Variants in ITGAE observed in about 807,000 individuals in gnomAD.
ITGAE encodes integrin alpha-E.
In ITGAE, 99 loss-of-function variants were observed where a neutral mutation model predicts 136.5. The observed-to-expected ratio is 0.73, with a 90% CI of 0.62 to 0.86. ITGAE has a LOEUF of 0.86. Ranked by LOEUF, ITGAE falls within the 40% of genes least tolerant of loss-of-function variation. ITGAE has a pLI of 0.00. For missense variants in ITGAE, 1,447 were observed against 1,515.3 expected (o/e 0.95, Z 0.75); for synonymous variants, 613 against 591.8 (o/e 1.04, Z -0.52).
chr17:3,718,047 A>T (rs1179150954), intron 29 of ITGAE: 1 of 152,382 alleles, frequency 6.6e-6, no homozygotes, highest in Non-Finnish European at 1.5e-5. Context: ...AAAGATGCCC[A>T]AGTAGAGGTT....
rs1055487140 is a variant in ITGAE at position 3,716,919 on chromosome 17, T to G, written c.3334-121A>C. ...CAACAACCCGTGTATTGATCAAAGC[T>G]GATGACAGTAAAGCAAAAAGCTAGA... is the stretch of plus-strand genomic sequence containing the variant. On this transcript the variant is annotated intron_variant, in intron 29 of 30. Coordinates refer to ENST00000263087, the MANE Select transcript of ITGAE (RefSeq NM_002208.5). 3.4e-5 allele frequency: 21 copies of G among 618,752 alleles called. No individual in the cohort carries two copies. The African/African-American group carries it at 3.7e-4, about 11-fold the overall frequency. 38.3% of individuals were successfully genotyped at this position (618,752 alleles called of 1,614,324 possible).
intron 26 of ITGAE, 66 bp from the exon 27 acceptor site, chr17:3,723,810 G>T: frequency 1.3e-6 from 2 of 1,581,998 alleles, no homozygotes; most frequent in African/African-American, 1.4e-5. Context: ...GTCCCGTCCC[G>T]GCCCCGGCCC....
intron 18 of ITGAE, among the ~76,000 whole-genome samples, chr17:3,744,724 G>C (rs1023465363): frequency 1.3e-5 from 2 of 152,032 alleles, no homozygotes; most frequent in South Asian, 2.1e-4. Flanking sequence ...GCTGGGATTA[G>C]AGGCGTGAGC....
intron 1 of ITGAE, among the ~76,000 whole-genome samples, chr17:3,782,737 C>T (rs959536141): frequency 4.6e-5 from 7 of 152,132 alleles, no homozygotes; most frequent in African/African-American, 9.7e-5. Context: ...GTTCAATTAA[C>T]GACTTTTGCC....
chr17:3,786,501 C>A (rs968462059), intron 1 of ITGAE, among the ~76,000 whole-genome samples: 1 of 152,046 alleles, frequency 6.6e-6, no homozygotes, highest in African/African-American at 2.4e-5. Context: ...CCAGCAAGCA[C>A]AATAAATGAA....
rs1376711155 is a variant in ITGAE, at chr17:3,724,799, C to T, written c.3085-1055G>A. ...GACCAGAGGGTCCAGGTCTGTCAAG[C>T]ACAGGCAAGAGGAGGGCCACAGGCC... On this transcript the variant is annotated intron_variant, in intron 26 of 30. Coordinates refer to ENST00000263087, the MANE Select transcript of ITGAE (RefSeq NM_002208.5). 6 of 1,614,020 alleles carry T rather than the reference C, an allele frequency of 3.7e-6. No individual in the cohort carries two copies. The African/African-American group carries it at 8.0e-5, about 22-fold the overall frequency.
chr17:3,748,419 C>G (rs113232796), intron 16 of ITGAE, among the ~76,000 whole-genome samples: 2,233 of 152,246 alleles, frequency 0.015, 36 homozygotes, highest in South Asian at 0.047. Flanking sequence ...AACATCGTCT[C>G]TACTAAAAAA....
intron 20 of ITGAE, among the ~76,000 whole-genome samples, chr17:3,735,340 T>C (rs1053102973): frequency 2.6e-5 from 4 of 152,184 alleles, no homozygotes; most frequent in African/African-American, 7.2e-5. Flanking sequence ...GCTAATTTTG[T>C]ATTTTTATTA....
At chr17:3,749,454 G>A (rs546733167) in intron 16 of ITGAE, among the ~76,000 whole-genome samples, 23 of 151,962 alleles carry the variant, frequency 1.5e-4, no homozygotes, top group Non-Finnish European at 2.6e-4. Flanking sequence ...AGGTTTCACC[G>A]TGTTAGCCAG....
At chr17:3,727,256 C>T (rs71366571) in intron 26 of ITGAE, among the ~76,000 whole-genome samples, 8,337 of 152,098 alleles carry the variant, frequency 0.055, 299 homozygotes, top group Middle Eastern at 0.11. Context: ...AAAAAAGAGT[C>T]TCAGGGGAGA....
At chr17:3,750,948 C>T (rs140983360) in intron 15 of ITGAE, among the ~76,000 whole-genome samples, 4 of 149,952 alleles carry the variant, frequency 2.7e-5, no homozygotes, top group Non-Finnish European at 4.5e-5. Flanking sequence ...ATGGCAAGGC[C>T]TGAGCTGGGA....
chr17:3,723,786 G>A (rs780646322), intron 26 of ITGAE, 42 bp from the exon 27 acceptor site: 5 of 1,600,292 alleles, frequency 3.1e-6, no homozygotes, highest in African/African-American at 1.3e-5. Flanking sequence ...AACAAACCAA[G>A]CCGCCAGTTT....
At chr17:3,756,903 AACC>A in intron 10 of ITGAE, 78 bp downstream of exon 10, 1 of 1,466,002 alleles carries the variant, frequency 6.8e-7, no homozygotes. Context: ...TGCTCAGAGA[AACC>A]ACATGAAGAT....
Position 3,723,274 on chromosome 17 carries a change from T to C in ITGAE, c.3237+14A>G. The stretch of plus-strand genomic sequence containing the variant: ...ACTGGATAATCAAATCTGGAGCATT[T>C]CAGTCTCAAACACCTCCTCAGAGTG... On this transcript the variant is annotated intron_variant, in intron 28 of 30. Transcript: ENST00000263087. The C allele has an allele frequency of 3.9e-6, 6 of 1,557,266 alleles. No individual in the cohort carries two copies. The highest frequency in any genetic ancestry group is 5.3e-6 in the Non-Finnish European group (6 of 1,128,354).
chr17:3,783,953 T>G (rs2143385201), intron 1 of ITGAE, among the ~76,000 whole-genome samples: 1 of 152,338 alleles, frequency 6.6e-6, no homozygotes, highest in African/African-American at 2.4e-5. Flanking sequence ...TAATTAAGCC[T>G]TTTACGTCAA....
Position 3,717,101 on chromosome 17 carries a change from C to T in ITGAE, c.3334-303G>A, listed in dbSNP as rs562872207. 2.4e-5 allele frequency: 7 copies of T among 290,486 alleles called. No homozygotes were observed. In the East Asian group the frequency reaches 2.6e-4, roughly 11 times the overall value. The allele number at this position is 290,486 out of a possible 1,614,324, so 18.0% of individuals were successfully genotyped here. A position where few individuals can be genotyped will look rare whatever the true frequency, so the allele number is the denominator to read the frequency against. ...TCTGACAGCTTGAAAGAGGGTCCCA[C>T]GGAATCCGGTCTCAACACAGGACTG... On this transcript the variant is annotated intron_variant, in intron 29 of 30. Coordinates refer to ENST00000263087, the MANE Select transcript of ITGAE (RefSeq NM_002208.5).
At chr17:3,718,919 C>T (rs2915563) in intron 29 of ITGAE, among the ~76,000 whole-genome samples, 20,724 of 152,004 alleles carry the variant, frequency 0.14, 4,724 homozygotes, top group African/African-American at 0.47. Flanking sequence ...TTCCATTTCC[C>T]TCTATTTTCT....
In ITGAE at chr17:3,726,078, G is replaced by A. The variant is rs376754182; in HGVS notation, c.3084+1841C>T. 1.1e-5 allele frequency: 17 copies of A among 1,614,168 alleles called. No individual in the cohort carries two copies. In the African/African-American group the frequency reaches 1.1e-4, roughly 10 times the overall value. On this transcript the variant is annotated intron_variant, in intron 26 of 30. Coordinates refer to ENST00000263087, the MANE Select transcript of ITGAE (RefSeq NM_002208.5). ...GGATGAGGACCTGTTTACCGGTGAC[G>A]GTGACTACCAGTTTGACATCTACAG...
Position 3,725,123 on chromosome 17 carries a change from G to A in ITGAE, c.3085-1379C>T, listed in dbSNP as rs772505829. 5.6e-6 allele frequency: 9 copies of A among 1,614,072 alleles called. No individual in the cohort carries two copies. The South Asian group carries it at 9.9e-5, about 18-fold the overall frequency. ...TCAGTTTCCACAAGAAGAAAATTGT[G>A]ACTGATGTGTCAGAGGTCTGCAGCA... is the stretch of plus-strand genomic sequence containing the variant. On this transcript the variant is annotated intron_variant, in intron 26 of 30. Transcript: ENST00000263087.
Sources: gnomAD v4.1 joint callset for allele counts (sites outside exome capture counted in the v4.1 genomes callset) on GRCh38, gnomAD v4.1.1 for gene constraint, MANE v1.5 for transcripts, NCBI Gene and HGNC (gene_info 2026-07-23, HGNC 2026-07-21) for gene names.